The following CLNS1A variants were observed in gnomAD, a reference collection of about 807,000 sequenced individuals.
CLNS1A encodes the protein chloride nucleotide-sensitive channel 1A.
Under a neutral mutation model 29.4 loss-of-function variants are expected in CLNS1A, and 16 were observed. That is an observed-to-expected ratio of 0.54 (90% CI 0.37 to 0.83). The LOEUF (loss-of-function observed/expected upper bound fraction) is 0.83. Ranked by LOEUF, CLNS1A falls within the 40% of genes least tolerant of loss-of-function variation. The pLI, the probability that CLNS1A is intolerant of heterozygous loss-of-function variation, is 0.00. For missense variants in CLNS1A, 235 were observed against 287.4 expected, an observed-to-expected ratio of 0.82 and a Z score of 1.32; for synonymous variants, 96 against 104.8, an observed-to-expected ratio of 0.92 and a Z score of 0.51.
intron 2 of CLNS1A, among the ~76,000 whole-genome samples, chr11:77,626,433 G>C (rs1029460816): frequency 8.5e-5 from 13 of 152,120 alleles, no homozygotes; most frequent in Admixed American, 1.3e-4. Flanking sequence ...GAGGTCAGGA[G>C]TTTGAGTCCA....
intron 5 of CLNS1A, chr11:77,622,155 A>G (rs935994197): frequency 1.8e-5 from 8 of 444,300 alleles, no homozygotes; most frequent in Admixed American, 7.6e-5. Flanking sequence ...AGCCTGTATG[A>G]CACTTTGTTA....
At chr11:77,621,991 C>A in intron 5 of CLNS1A, 1 of 456,238 alleles carries the variant, frequency 2.2e-6, no homozygotes, top group Non-Finnish European at 4.4e-6. Context: ...AGCCTTCAGT[C>A]ACGTGGGCCA....
At chr11:77,624,600 A>G (rs894029938) in intron 4 of CLNS1A, among the ~76,000 whole-genome samples, 39 of 152,130 alleles carry the variant, frequency 2.6e-4, no homozygotes, top group African/African-American at 8.9e-4. Context: ...CAGGCGGATC[A>G]CCTGAGGTCG....
rs144833914 is a variant in CLNS1A, at chr11:77,616,600, G to A, written c.*118C>T. The stretch of plus-strand genomic sequence containing the variant: ...TATAGTCTGTCTCAAGAAAGAACTG[G>A]TTCAGGTTGGGTTTTGGAAAAGGAA... On this transcript the variant is annotated 3_prime_UTR_variant, in exon 7 of 7. Transcript: ENST00000525428. 1 of 152,712 alleles carries A rather than the reference G, an allele frequency of 6.5e-6. No homozygotes were observed. The highest frequency in any genetic ancestry group is 2.4e-5 in the African/African-American group (1 of 41,562). 9.5% of individuals were successfully genotyped at this position (152,712 alleles called of 1,614,324 possible).
At chr11:77,631,663 T>C (rs1959076310) in intron 1 of CLNS1A, among the ~76,000 whole-genome samples, 2 of 151,718 alleles carry the variant, frequency 1.3e-5, no homozygotes, top group South Asian at 2.1e-4. Flanking sequence ...ATATGCACTG[T>C]CATGTGGAAA....
chr11:77,622,979 A>C (rs1176874261), intron 4 of CLNS1A, among the ~76,000 whole-genome samples: 1 of 151,842 alleles, frequency 6.6e-6, no homozygotes, highest in Non-Finnish European at 1.5e-5. Context: ...AATCTGCTGA[A>C]GATAATATAC....
intron 2 of CLNS1A, among the ~76,000 whole-genome samples, chr11:77,626,246 CCT>C (rs951326990): frequency 1.3e-5 from 2 of 152,154 alleles, no homozygotes; most frequent in African/African-American, 4.8e-5. Flanking sequence ...GCCACCACAC[CCT>C]GCTAATTTTT....
At chr11:77,635,597 C>T (rs995429180) in intron 1 of CLNS1A, among the ~76,000 whole-genome samples, 17 of 151,928 alleles carry the variant, frequency 1.1e-4, no homozygotes, top group Non-Finnish European at 4.4e-5. Context: ...GTGATCCACC[C>T]GCCTCAGCCT....
chr11:77,626,947 A>G (rs1202374890), intron 2 of CLNS1A, among the ~76,000 whole-genome samples: 1 of 149,698 alleles, frequency 6.7e-6, no homozygotes, highest in African/African-American at 2.5e-5. Context: ...CGCCCGCCTC[A>G]GCCTCCCAAA....
At chr11:77,633,913 C>A (rs2135778743) in intron 1 of CLNS1A, among the ~76,000 whole-genome samples, 2 of 151,996 alleles carry the variant, frequency 1.3e-5, no homozygotes, top group Middle Eastern at 3.4e-3. Context: ...CAAGTCTGAC[C>A]AACATGGAGA....
intron 3 of CLNS1A, 87 bp from the exon 4 acceptor site, chr11:77,625,157 G>C (rs747779974): frequency 2.0e-4 from 172 of 866,538 alleles, no homozygotes; most frequent in Non-Finnish European, 2.8e-4. Context: ...TACACAAAAC[G>C]CCACAGTATT....
Position 77,622,687 on chromosome 11 carries a change from A to C in CLNS1A, c.473-14T>G. On this transcript the variant is annotated splice_polypyrimidine_tract_variant and intron_variant, in intron 4 of 6. Coordinates refer to ENST00000525428, the MANE Select transcript of CLNS1A (RefSeq NM_001293.3). ...CCTGTCCTTGTTCTAAACAAACAGA[A>C]AACTTTAAAGTTTAAATACAACAAT... 1 of 1,551,334 alleles carries C rather than the reference A, an allele frequency of 6.4e-7. No individual in the cohort carries two copies. The highest frequency in any genetic ancestry group is 8.7e-7 in the Non-Finnish European group (1 of 1,154,364).
Position 77,629,824 on chromosome 11 carries a change from G to A in CLNS1A, c.201C>T (p.Ser67=), listed in dbSNP as rs1176583564. The change falls in exon 2 of 7, where the codon TCC becomes TCT. Residue 67 remains serine (S), a synonymous_variant. Coordinates refer to ENST00000525428, the MANE Select transcript of CLNS1A (RefSeq NM_001293.3). ...CTCCTAGACAGTCACTTCGGTCCCT[G>A]GATAATGCATGTAAACTAATGGTGG... ...EYPTISLHAL[S]RDRSDCLGEH... is the part of the protein sequence containing the mutation. 6.2e-6 allele frequency: 10 copies of A among 1,613,654 alleles called. No homozygotes were observed. The highest frequency in any genetic ancestry group is 1.3e-5 in the African/African-American group (1 of 74,896).
chr11:77,622,393 TAGAG>T (rs1347165668), intron 5 of CLNS1A, 103 bp downstream of exon 5: 16 of 761,298 alleles, frequency 2.1e-5, no homozygotes, highest in Middle Eastern at 3.9e-4. Context: ...TCCTATACTA[TAGAG>T]AGTCAATTCT....
At chr11:77,637,507 T>G (rs1959144715) in intron 1 of CLNS1A, 83 bp downstream of exon 1, 1 of 1,478,208 alleles carries the variant, frequency 6.8e-7, no homozygotes, top group East Asian at 2.5e-5. Flanking sequence ...AGGCCGCCCC[T>G]TGCCCGGCTC....
intron 4 of CLNS1A, among the ~76,000 whole-genome samples, chr11:77,624,128 G>C (rs1415686837): frequency 1.3e-5 from 2 of 152,198 alleles, no homozygotes; most frequent in Non-Finnish European, 2.9e-5. Flanking sequence ...AGCCAGGCAT[G>C]GTGGCGCAAG....
chr11:77,628,473 T>C (rs1240808058), intron 2 of CLNS1A, among the ~76,000 whole-genome samples: 1 of 152,218 alleles, frequency 6.6e-6, no homozygotes, highest in Non-Finnish European at 1.5e-5. Flanking sequence ...CTCATCCTCT[T>C]TTTCAAACTT....
intron 3 of CLNS1A, 135 bp from the exon 4 acceptor site, chr11:77,625,205 C>T (rs2135767176): frequency 6.4e-6 from 4 of 624,688 alleles, no homozygotes; most frequent in South Asian, 4.1e-5. Context: ...ATCTTGAAAG[C>T]GGTTGAAGCA....
At chr11:77,630,745 TGTACCACTTAGCAGAAAA>T (rs1437140873) in intron 1 of CLNS1A, among the ~76,000 whole-genome samples, 1 of 152,136 alleles carries the variant, frequency 6.6e-6, no homozygotes, top group Non-Finnish European at 1.5e-5. Flanking sequence ...CATCTGGAGC[TGTACCACTTAGCAGAAAA>T]AAAGTAAAAA....
Sources: gnomAD v4.1 joint callset for allele counts (sites outside exome capture counted in the v4.1 genomes callset) on GRCh38, gnomAD v4.1.1 for gene constraint, MANE v1.5 for transcripts, NCBI Gene and HGNC (gene_info 2026-07-23, HGNC 2026-07-21) for gene names.